The following TBXAS1 variants were observed in gnomAD, a reference collection of about 807,000 sequenced individuals.
TBXAS1 encodes thromboxane-A synthase.
Under a neutral mutation model 60.7 loss-of-function variants are expected in TBXAS1, and 48 were observed. The observed-to-expected ratio is 0.79, with a 90% CI of 0.63 to 1.01. The LOEUF is 1.01. TBXAS1 is among the 50% of genes least tolerant of loss of function. The probability of loss-of-function intolerance (pLI) is 0.00; values close to 1 mark genes in which losing one functional copy is unlikely to be tolerated. For synonymous variants in TBXAS1, 287 were observed against 269.7 expected (o/e 1.06, Z -0.63); for missense variants, 685 against 686.3 (o/e 1.00, Z 0.02).
Position 139,961,865 on chromosome 7 carries a change from C to CA in TBXAS1, c.820-53dup. 5 of 1,607,640 alleles carry CA rather than the reference C, an allele frequency of 3.1e-6. No homozygotes were observed. The South Asian group carries it at 5.5e-5, about 18-fold the overall frequency. ...TCCTCCTTTGTTCTCCAGGAAGCCT[C>CA]ACTCTTCATGACTGTAAGGTCAAAA... On this transcript the variant is annotated intron_variant, in intron 8 of 12. Transcript: ENST00000448866.
chr7:139,780,462 A>G (rs1796946650), intron 1 of TBXAS1, among the ~76,000 whole-genome samples: 1 of 152,250 alleles, frequency 6.6e-6, no homozygotes, highest in African/African-American at 2.4e-5. Flanking sequence ...TGTATGTCCA[A>G]TAACTGCATT....
intron 6 of TBXAS1, 117 bp downstream of exon 6, chr7:139,953,573 C>A: frequency 1.0e-6 from 1 of 957,064 alleles, no homozygotes; most frequent in South Asian, 1.3e-5. Context: ...GCTAGAAGCT[C>A]ATAAAAGCAT....
At chr7:139,963,371 C>T (rs114044716) in intron 9 of TBXAS1, among the ~76,000 whole-genome samples, 4,030 of 152,302 alleles carry the variant, frequency 0.026, 163 homozygotes, top group African/African-American at 0.092. Context: ...GTTATATTAG[C>T]AATTCCTCCA....
chr7:139,872,873 C>T (rs542095001), intron 2 of TBXAS1, among the ~76,000 whole-genome samples: 29 of 152,256 alleles, frequency 1.9e-4, no homozygotes, highest in African/African-American at 5.8e-4. Flanking sequence ...CATCCATTCA[C>T]TCACCCATTT....
At chr7:139,874,177 C>T (rs1205482265) in intron 2 of TBXAS1, among the ~76,000 whole-genome samples, 7 of 152,168 alleles carry the variant, frequency 4.6e-5, no homozygotes, top group African/African-American at 1.7e-4. Context: ...TCACAAACAA[C>T]AGTCTCAATG....
chr7:139,841,992 G>A (rs914518585), intron 1 of TBXAS1, among the ~76,000 whole-genome samples: 2 of 152,112 alleles, frequency 1.3e-5, no homozygotes, highest in African/African-American at 2.4e-5. Context: ...GCAAATAGAT[G>A]ATTAAACAGA....
At chr7:139,956,949 C>A (rs1416460810) in intron 7 of TBXAS1, among the ~76,000 whole-genome samples, 4 of 152,244 alleles carry the variant, frequency 2.6e-5, no homozygotes, top group Admixed American at 6.5e-5. Flanking sequence ...CAGCCCAGCT[C>A]CCATAGAGCC....
At chr7:139,969,678 T>A (rs906208195) in intron 9 of TBXAS1, among the ~76,000 whole-genome samples, 3 of 151,952 alleles carry the variant, frequency 2.0e-5, no homozygotes, top group Admixed American at 1.3e-4. Flanking sequence ...TGGAAATGGG[T>A]TTTTCCCCAT....
At chr7:139,825,511 G>A (rs73733507), upstream of TBXAS1, among the ~76,000 whole-genome samples, 25,604 of 152,102 alleles carry the variant, frequency 0.17, 2,738 homozygotes, top group African/African-American at 0.31. Flanking sequence ...TTAACTCAGC[G>A]CCCATGGGGG....
intron 1 of TBXAS1, among the ~76,000 whole-genome samples, chr7:139,840,553 G>A (rs1346835090): frequency 2.0e-5 from 3 of 152,146 alleles, no homozygotes; most frequent in Non-Finnish European, 4.4e-5. Context: ...TGGCCGTGGT[G>A]GGTTGGGCAA....
At chr7:140,011,799 C>T (rs1814640427) in intron 10 of TBXAS1, among the ~76,000 whole-genome samples, 1 of 152,004 alleles carries the variant, frequency 6.6e-6, no homozygotes, top group Non-Finnish European at 1.5e-5. Context: ...CACAGAACTG[C>T]ACACTGAAAA....
intron 1 of TBXAS1, among the ~76,000 whole-genome samples, chr7:139,839,641 C>T (rs912250550): frequency 4.7e-5 from 7 of 148,074 alleles, no homozygotes; most frequent in African/African-American, 1.8e-4. Flanking sequence ...GAGTTTGAGA[C>T]CAGCCTGGGC....
chr7:139,921,283 T>C (rs1317025523), intron 4 of TBXAS1, among the ~76,000 whole-genome samples: 2 of 152,224 alleles, frequency 1.3e-5, no homozygotes, highest in African/African-American at 4.8e-5. Context: ...TGACATCAAT[T>C]TGTATAGATT....
chr7:139,946,372 C>A (rs1447573796), intron 5 of TBXAS1, among the ~76,000 whole-genome samples: 1 of 152,116 alleles, frequency 6.6e-6, no homozygotes, highest in Non-Finnish European at 1.5e-5. Context: ...GAAGCTCTTT[C>A]AAAGAACTTT....
intron 9 of TBXAS1, among the ~76,000 whole-genome samples, chr7:139,967,312 C>T (rs1810866255): frequency 6.6e-6 from 1 of 152,250 alleles, no homozygotes; most frequent in South Asian, 2.1e-4. Flanking sequence ...AATTCTGCTG[C>T]ATGAGCAGAT....
At chr7:139,955,643 T>C in intron 7 of TBXAS1, 36 bp downstream of exon 7, 1 of 1,612,332 alleles carries the variant, frequency 6.2e-7, no homozygotes, top group Non-Finnish European at 8.5e-7. Flanking sequence ...CTGCGATGAC[T>C]CCAGCAAGTT....
At chr7:139,930,861 G>A (rs2117158277) in intron 4 of TBXAS1, among the ~76,000 whole-genome samples, 1 of 152,300 alleles carries the variant, frequency 6.6e-6, no homozygotes, top group South Asian at 2.1e-4. Flanking sequence ...ACCTCAGCCA[G>A]GGTGGCAGCT....
intron 9 of TBXAS1, among the ~76,000 whole-genome samples, chr7:139,982,383 G>C (rs919317582): frequency 6.6e-6 from 1 of 152,110 alleles, no homozygotes; most frequent in Non-Finnish European, 1.5e-5. Flanking sequence ...TAGACTGTGG[G>C]GGAGGCTGGC....
chr7:139,803,283 A>C (rs1797765461), intron 4 of TBXAS1, among the ~76,000 whole-genome samples: 1 of 152,206 alleles, frequency 6.6e-6, no homozygotes, highest in Non-Finnish European at 1.5e-5. Flanking sequence ...ACTGGAGCAA[A>C]GGTGACTCTT....
Sources: allele counts gnomAD v4.1 joint callset (sites outside exome capture counted in the v4.1 genomes callset), GRCh38; gene constraint gnomAD v4.1.1; transcripts MANE v1.5; gene names NCBI Gene and HGNC (gene_info 2026-07-23, HGNC 2026-07-21).